The following SPAG16 variants were observed in gnomAD, a reference collection of about 807,000 sequenced individuals.
The protein encoded by SPAG16 is sperm associated antigen 16, also known as sperm-associated antigen 16 protein.
Under a neutral mutation model 80.4 loss-of-function variants are expected in SPAG16, and 86 were observed. The observed-to-expected ratio is 1.07, with a 90% CI of 0.90 to 1.28. SPAG16 has a LOEUF of 1.28. Ranked by LOEUF, SPAG16 falls within the 50% of genes most tolerant of loss-of-function variation. The probability of loss-of-function intolerance (pLI) is 0.00; values close to 1 mark genes in which losing one functional copy is unlikely to be tolerated. For synonymous variants in SPAG16, 294 were observed against 265.9 expected (o/e 1.11, Z -1.03); for missense variants, 870 against 765.3 (o/e 1.14, Z -1.61).
chr2:214,132,870 A>G (rs1408676074), intron 14 of SPAG16, among the ~76,000 whole-genome samples: 2 of 152,120 alleles, frequency 1.3e-5, no homozygotes, highest in African/African-American at 4.8e-5. Flanking sequence ...AGGCGGGCGG[A>G]TCACCTGAGG....
At chr2:214,035,363 C>G (rs999888716) in intron 13 of SPAG16, among the ~76,000 whole-genome samples, 9 of 152,208 alleles carry the variant, frequency 5.9e-5, no homozygotes, top group Non-Finnish European at 2.9e-5. Flanking sequence ...TGCCCAGGAG[C>G]CTGTCTGCTT....
chr2:213,432,151 A>C (rs1456875587), intron 9 of SPAG16, among the ~76,000 whole-genome samples: 1 of 152,150 alleles, frequency 6.6e-6, no homozygotes, highest in Non-Finnish European at 1.5e-5. Flanking sequence ...GAAAGATCAC[A>C]AAATAACAAC....
chr2:213,721,178 C>CA (rs1211618317), intron 10 of SPAG16, among the ~76,000 whole-genome samples: 2 of 152,156 alleles, frequency 1.3e-5, no homozygotes, highest in African/African-American at 4.8e-5. Context: ...CGGCTCACTG[C>CA]AACCTGTGCT....
chr2:213,353,657 T>C (rs2065460866), intron 7 of SPAG16, among the ~76,000 whole-genome samples: 1 of 152,178 alleles, frequency 6.6e-6, no homozygotes. Flanking sequence ...AGGACTCATG[T>C]CTGACCTGTT....
chr2:214,156,318 A>C (rs930464428), intron 15 of SPAG16, among the ~76,000 whole-genome samples: 2 of 152,106 alleles, frequency 1.3e-5, no homozygotes, highest in African/African-American at 4.8e-5. Context: ...TTAGGGCTGA[A>C]TTTAGTTGTC....
At chr2:213,553,886 T>G (rs982805434) in intron 10 of SPAG16, among the ~76,000 whole-genome samples, 2 of 152,168 alleles carry the variant, frequency 1.3e-5, no homozygotes, top group African/African-American at 4.8e-5. Flanking sequence ...TCCTGCAGAC[T>G]CCTCTGCTGC....
intron 12 of SPAG16, among the ~76,000 whole-genome samples, chr2:213,992,484 A>G (rs1003745569): frequency 6.6e-6 from 1 of 152,134 alleles, no homozygotes; most frequent in Non-Finnish European, 1.5e-5. Flanking sequence ...TTTTACATTA[A>G]AGTTAGGTTA....
chr2:213,874,735 T>C (rs943821856), intron 11 of SPAG16, among the ~76,000 whole-genome samples: 6 of 152,106 alleles, frequency 3.9e-5, no homozygotes, highest in Non-Finnish European at 8.8e-5. Context: ...CTGCAATGAC[T>C]TTATATGGCA....
At chr2:213,428,155 T>C (rs998832828) in intron 9 of SPAG16, among the ~76,000 whole-genome samples, 1 of 152,174 alleles carries the variant, frequency 6.6e-6, no homozygotes, top group South Asian at 2.1e-4. Flanking sequence ...ATAAGAACTT[T>C]AGATATTGGG....
intron 11 of SPAG16, among the ~76,000 whole-genome samples, chr2:213,927,637 A>G (rs13010563): frequency 0.27 from 41,039 of 152,216 alleles, 5,820 homozygotes; most frequent in East Asian, 0.44. Context: ...ATTGTTGACT[A>G]AATATCAGTT....
chr2:213,660,203 A>G (rs1391207154), intron 10 of SPAG16, among the ~76,000 whole-genome samples: 2 of 152,206 alleles, frequency 1.3e-5, no homozygotes, highest in Admixed American at 6.5e-5. Flanking sequence ...TGAAGAATAC[A>G]GAATAATGCA....
chr2:213,745,941 C>T (rs1287399991), intron 10 of SPAG16, among the ~76,000 whole-genome samples: 1 of 152,134 alleles, frequency 6.6e-6, no homozygotes, highest in Non-Finnish European at 1.5e-5. Flanking sequence ...GGTTTCATCT[C>T]TTTATGTCTT....
At chr2:214,134,389 C>T (rs2054940296) in intron 14 of SPAG16, among the ~76,000 whole-genome samples, 2 of 152,194 alleles carry the variant, frequency 1.3e-5, no homozygotes, top group Non-Finnish European at 2.9e-5. Flanking sequence ...TGTATTTCAA[C>T]ACCCTGTCTG....
chr2:213,361,819 AC>A lies in SPAG16; in HGVS notation c.763-2256del, dbSNP rs1391028354. ...CACACACACACACACACACACACAC[AC>A]ACACACACAGAGGCTGTGAATAAAT... On this transcript the variant is annotated intron_variant, in intron 7 of 15. Transcript: ENST00000331683. 2.0e-5 allele frequency among the ~76,000 whole-genome samples: 3 copies of A among 151,802 alleles called. No homozygotes were observed. The South Asian group carries it at 6.3e-4, about 32-fold the overall frequency.
Position 213,958,757 on chromosome 2 carries a change from G to A in SPAG16, c.1400+28612G>A, listed in dbSNP as rs897003066. On this transcript the variant is annotated intron_variant, in intron 12 of 15. Coordinates refer to ENST00000331683, the MANE Select transcript of SPAG16 (RefSeq NM_024532.5). ...TTTTTGACTTTTTTTTAATGTGTTA[G>A]TATCTTAAATTATGTAGAAAACAGT... is the stretch of plus-strand genomic sequence containing the variant. Among the ~76,000 whole-genome samples, 7 of 152,146 alleles carry A rather than the reference G, an allele frequency of 4.6e-5. No individual in the cohort carries two copies. In the South Asian group the frequency reaches 1.5e-3, roughly 32 times the overall value.
At chr2:214,082,476 C>G (rs1342577095) in intron 13 of SPAG16, among the ~76,000 whole-genome samples, 7 of 152,162 alleles carry the variant, frequency 4.6e-5, no homozygotes, top group Admixed American at 4.6e-4. Flanking sequence ...TGCCCTGCTT[C>G]TGCTCAGTAA....
At chr2:213,301,492 A>G (rs1458155967) in intron 3 of SPAG16, among the ~76,000 whole-genome samples, 3 of 152,194 alleles carry the variant, frequency 2.0e-5, no homozygotes, top group African/African-American at 7.2e-5. Flanking sequence ...TATGTGGTTT[A>G]GCACTTCTTT....
At chr2:213,921,554 C>A (rs909008209) in intron 11 of SPAG16, among the ~76,000 whole-genome samples, 3 of 152,188 alleles carry the variant, frequency 2.0e-5, no homozygotes, top group Non-Finnish European at 4.4e-5. Flanking sequence ...TTCATATGTA[C>A]GAATTTGATC....
intron 15 of SPAG16, among the ~76,000 whole-genome samples, chr2:214,285,250 T>C (rs1266231809): frequency 6.6e-6 from 1 of 152,220 alleles, no homozygotes; most frequent in African/African-American, 2.4e-5. Context: ...CATCTACCTG[T>C]TGGCCATTTG....
Sources: gnomAD v4.1 joint callset for allele counts (sites outside exome capture counted in the v4.1 genomes callset) on GRCh38, gnomAD v4.1.1 for gene constraint, MANE v1.5 for transcripts, NCBI Gene and HGNC (gene_info 2026-07-23, HGNC 2026-07-21) for gene names.